SNAPC4: variants seen among roughly 807,000 people sequenced by gnomAD.
The protein encoded by SNAPC4 is snRNA-activating protein complex subunit 4.
SNAPC4 carries 127 observed loss-of-function variants against 151.3 expected under a neutral mutation model. The observed-to-expected ratio is 0.84, with a 90% CI of 0.73 to 0.97. The LOEUF (loss-of-function observed/expected upper bound fraction) is 0.97. Among genes scored for constraint, SNAPC4 ranks in the 50% least tolerant of loss-of-function variants. SNAPC4 has a pLI of 0.00. For synonymous variants in SNAPC4, 1,002 were observed against 824.4 expected (o/e 1.22, Z -3.69); for missense variants, 2,186 against 1,935.0 (o/e 1.13, Z -2.43).
chr9:136,385,948 C>T (rs1833874356), intron 13 of SNAPC4, among the ~76,000 whole-genome samples: 1 of 152,148 alleles, frequency 6.6e-6, no homozygotes, highest in Admixed American at 6.5e-5. Context: ...CGGCCTTTCA[C>T]TCTTGTGAAT....
intron 10 of SNAPC4, among the ~76,000 whole-genome samples, chr9:136,389,578 C>T (rs1833999966): frequency 6.6e-6 from 1 of 152,338 alleles, no homozygotes; most frequent in East Asian, 1.9e-4. Context: ...TCCTAGTCAA[C>T]GTGTGTGAGC....
Position 136,378,250 on chromosome 9 carries a change from C to T in SNAPC4, c.3577G>A (p.Ala1193Thr), listed in dbSNP as rs186003509. The T allele has an allele frequency of 1.1e-4, 175 of 1,608,358 alleles. No homozygotes were observed. Among genetic ancestry groups the T allele is most frequent in the Non-Finnish European group, 1.3e-4 (157 of 1,178,058 alleles). The change falls in exon 22 of 24, where the codon GCT (alanine) becomes ACT (threonine). Residue 1193 changes from alanine to threonine, a missense_variant. Physicochemically the swap from Ala to Thr is moderately conservative, Grantham distance 58. Transcript: ENST00000684778. ...EIPEPRTSSHADPPEAEPPWS... is the reference protein window; with the variant it reads ...EIPEPRTSSHTDPPEAEPPWS... ...GGGGGTTCTGCTTCAGGAGGGTCAG[C>T]GTGGGAGGACGTCCTGGGCTCAGGT...
Position 136,383,840 on chromosome 9 carries a change from T to C in SNAPC4, c.1500+113A>G. 7.5e-7 allele frequency: 1 copy of C among 1,335,498 alleles called. No homozygotes were observed. Among genetic ancestry groups the C allele is most frequent in the Non-Finnish European group, 1.1e-6 (1 of 946,330 alleles). 82.7% of individuals were successfully genotyped at this position (1,335,498 alleles called of 1,614,324 possible). ...GCCCTTGGCCACCCAGAAGAAGAAA[T>C]GCCAAGACCAGAAACCGAACGCCCC... On this transcript the variant is annotated intron_variant, in intron 15 of 23. Transcript: ENST00000684778. The surrounding 1 kb of genome is among the most constrained non-coding windows in gnomAD (Gnocchi z 4.2).
At chr9:136,398,253 A>G in intron 2 of SNAPC4, 46 bp downstream of exon 2, 1 of 1,578,054 alleles carries the variant, frequency 6.3e-7, no homozygotes, top group Non-Finnish European at 8.6e-7. Context: ...GAGGCAGACC[A>G]GCTGTTCTTA....
intron 10 of SNAPC4, among the ~76,000 whole-genome samples, chr9:136,391,003 TTTGTA>T (rs1265089790): frequency 6.6e-6 from 1 of 151,980 alleles, no homozygotes; most frequent in Non-Finnish European, 1.5e-5. Flanking sequence ...CCCGGCTAAT[TTTGTA>T]TTTTTAGTAG....
intron 13 of SNAPC4, 33 bp downstream of exon 13, chr9:136,387,452 G>A: frequency 6.8e-7 from 1 of 1,478,298 alleles, no homozygotes; most frequent in Non-Finnish European, 9.5e-7. Flanking sequence ...GACCCACACG[G>A]GCCCCTCCCT....
chr9:136,398,509 C>A (rs1834350905), intron 1 of SNAPC4, 72 bp from the exon 2 acceptor site: 4 of 1,552,648 alleles, frequency 2.6e-6, no homozygotes, highest in Non-Finnish European at 3.5e-6. Context: ...TTCAGACACA[C>A]CCGCCCATGG....
At chr9:136,380,646 GC>G in intron 20 of SNAPC4, 93 bp downstream of exon 20, 1 of 693,904 alleles carries the variant, frequency 1.4e-6, no homozygotes, top group Non-Finnish European at 2.6e-6. Flanking sequence ...CTGCGGTGGA[GC>G]GGGTGGGGCG....
Position 136,392,673 on chromosome 9 carries a change from T to C in SNAPC4, c.737A>G (p.Asn246Ser). 4 of 1,613,698 alleles carry C rather than the reference T, an allele frequency of 2.5e-6. No individual in the cohort carries two copies. The highest frequency in any genetic ancestry group is 2.5e-6 in the Non-Finnish European group (3 of 1,179,932). The change falls in exon 8 of 24, where the codon AAC becomes AGC. Residue 246 changes from asparagine to serine, a missense_variant and splice_region_variant. Asn to Ser is a conservative substitution (Grantham distance 46). Transcript: ENST00000684778. Reference sequence around the variant, plus strand: ...GGCCCTCCCGGGAGGCCCCCCTCACTTGATGTCCTGGATCTCCTTCTCGGC... The same window carrying C: ...GGCCCTCCCGGGAGGCCCCCCTCACCTGATGTCCTGGATCTCCTTCTCGGC... ...REAEKEIQDI[N>S]QLPEEALLGN...
chr9:136,383,616 C>G lies in SNAPC4; in HGVS notation c.1553G>C (p.Trp518Ser), dbSNP rs1367163154. ...GCTGCCGCTGCTGCTGGTAGAGCTC[C>G]ACCGGACGCTGTGACGGGCCCTCCG... ...RRRRARHSVRWSSTSSSGSSS... is the reference protein window; with the variant it reads ...RRRRARHSVRSSSTSSSGSSS... Residue 518 changes from tryptophan (W) to serine (S), a missense_variant, in exon 16 of 24, where the codon TGG becomes TCG. Coordinates refer to ENST00000684778, the MANE Select transcript of SNAPC4 (RefSeq NM_003086.4). This position sits in a 1 kb window ranked among gnomAD's most constrained non-coding sequence, Gnocchi z 4.2. The G allele has an allele frequency of 6.2e-7, 1 of 1,611,742 alleles. No homozygotes were observed. The highest frequency in any genetic ancestry group is 8.5e-7 in the Non-Finnish European group (1 of 1,179,444).
chr9:136,376,503 G>A (rs1217883544), intron 22 of SNAPC4, 22 bp from the exon 23 acceptor site: 3 of 1,611,904 alleles, frequency 1.9e-6, no homozygotes, highest in South Asian at 2.2e-5. Context: ...TCCAGGCAGT[G>A]GGGACAAGAG....
rs758981274 is a variant in SNAPC4 at position 136,379,310 on chromosome 9, G to A, written c.2528-11C>T. The A allele has an allele frequency of 1.2e-6, 2 of 1,612,148 alleles. No homozygotes were observed. The highest frequency in any genetic ancestry group is 1.1e-5 in the South Asian group (1 of 91,016). On this transcript the variant is annotated splice_polypyrimidine_tract_variant and intron_variant, in intron 21 of 23. Transcript: ENST00000684778. ...TTGGGAAGAGGTGGCCTGTGGGGAG[G>A]AAAGACCCACACTTGATAAGCCCCA...
At chr9:136,380,071 G>A (rs11145793) in intron 20 of SNAPC4, among the ~76,000 whole-genome samples, 32,045 of 152,202 alleles carry the variant, frequency 0.21, 3,711 homozygotes, top group Admixed American at 0.27. Flanking sequence ...CAGTGGCTAC[G>A]GCACAGAGCC....
rs534387796 is a variant in SNAPC4, at chr9:136,387,046, C to G, written c.1325+439G>C. On this transcript the variant is annotated intron_variant, in intron 13 of 23. Transcript: ENST00000684778. ...AGGCGTGAGCCACTGCGCCCAGCTT[C>G]GGAAATATACACTTTAAATGAACGC... Among the ~76,000 whole-genome samples the G allele has an allele frequency of 2.6e-5, 4 of 152,324 alleles. No individual in the cohort carries two copies. In the South Asian group the frequency reaches 8.3e-4, roughly 32 times the overall value.
chr9:136,395,099 C>T (rs529162441), intron 5 of SNAPC4, among the ~76,000 whole-genome samples, 199 bp downstream of exon 5: 1 of 152,364 alleles, frequency 6.6e-6, no homozygotes, highest in Non-Finnish European at 1.5e-5. Context: ...GCTTGCTCAT[C>T]GCTTCACAGG....
intron 10 of SNAPC4, among the ~76,000 whole-genome samples, chr9:136,391,373 A>G (rs988745599): frequency 6.6e-6 from 1 of 152,150 alleles, no homozygotes; most frequent in African/African-American, 2.4e-5. Flanking sequence ...ACTCCCAGAA[A>G]TCCAACTATT....
At position 136,378,429 on chromosome 9, in the gene SNAPC4, G is replaced by C. The variant is rs1833551102; in HGVS notation, c.3398C>G (p.Ser1133Cys). The C allele has an allele frequency of 2.5e-6, 4 of 1,598,922 alleles. No homozygotes were observed. The highest frequency in any genetic ancestry group is 8.5e-7 in the Non-Finnish European group (1 of 1,175,472). ...GTTCATATTGGCTGGGGGCTGCCAA[G>C]AGCTGCTCAACGCTGGGGCCCTGGG... ...QGPRAPALSS[S>C]WQPPANMNRE... The change falls in exon 22 of 24, where the codon TCT becomes TGT. Residue 1133 changes from serine to cysteine, a missense_variant. Physicochemically the swap from Ser to Cys is moderately radical, Grantham distance 112 (BLOSUM62 -1). Coordinates refer to ENST00000684778, the MANE Select transcript of SNAPC4 (RefSeq NM_003086.4).
At chr9:136,384,657 C>A (rs1467894233) in intron 14 of SNAPC4, 63 bp downstream of exon 14, 3 of 873,118 alleles carry the variant, frequency 3.4e-6, no homozygotes, top group Non-Finnish European at 5.4e-6. Context: ...TTATCTTGAT[C>A]TCTTTTCTAA....
At chr9:136,384,451 T>A (rs1013377048) in intron 14 of SNAPC4, among the ~76,000 whole-genome samples, 1 of 152,194 alleles carries the variant, frequency 6.6e-6, no homozygotes, top group Non-Finnish European at 1.5e-5. Flanking sequence ...GGATTTACTC[T>A]AAGGGGACAT....
Sources: gnomAD v4.1 joint callset for allele counts (sites outside exome capture counted in the v4.1 genomes callset) on GRCh38, gnomAD v4.1.1 for gene constraint, Gnocchi (gnomAD v3.1) non-coding constraint, MANE v1.5 for transcripts, NCBI Gene and HGNC (gene_info 2026-07-23, HGNC 2026-07-21) for gene names.